Variants in CNTRL observed in about 807,000 individuals in gnomAD.
The protein encoded by CNTRL is 110 kDa centrosomal protein.
Under a neutral mutation model 303.7 loss-of-function variants are expected in CNTRL, and 233 were observed. The ratio of observed to expected loss-of-function variants is 0.77; its 90% CI spans 0.69 to 0.86. The LOEUF (loss-of-function observed/expected upper bound fraction) is 0.86. Ranked by LOEUF, CNTRL falls within the 40% of genes least tolerant of loss-of-function variation. The pLI, the probability that CNTRL is intolerant of heterozygous loss-of-function variation, is 0.00. For missense variants in CNTRL, 2,524 were observed against 2,650.6 expected (o/e 0.95, Z 1.05); for synonymous variants, 900 against 922.2 (o/e 0.98, Z 0.44).
intron 17 of CNTRL, 120 bp downstream of exon 17, chr9:121,140,906 A>G (rs745389930): frequency 6.3e-6 from 6 of 948,478 alleles, no homozygotes; most frequent in Non-Finnish European, 8.9e-6. Context: ...TTCTTTTGTA[A>G]GGTTCTCCTT....
At chr9:121,103,181 G>T (rs1216801281) in intron 7 of CNTRL, among the ~76,000 whole-genome samples, 1 of 152,124 alleles carries the variant, frequency 6.6e-6, no homozygotes, top group Non-Finnish European at 1.5e-5. Flanking sequence ...AAACAGCATG[G>T]TACTGGTACC....
chr9:121,101,140 A>G (rs952422619), intron 7 of CNTRL, among the ~76,000 whole-genome samples: 3 of 152,230 alleles, frequency 2.0e-5, no homozygotes, highest in Non-Finnish European at 4.4e-5. Context: ...AATTGACCAC[A>G]TAGTTGGAAG....
chr9:121,134,370 A>G (rs892580703), intron 14 of CNTRL, among the ~76,000 whole-genome samples: 1 of 151,130 alleles, frequency 6.6e-6, no homozygotes, highest in African/African-American at 2.4e-5. Context: ...CGCTCACTGC[A>G]ACCTCCGCCT....
chr9:121,112,429 A>T (rs745317994), intron 8 of CNTRL, 30 bp from the exon 9 acceptor site: 2 of 1,605,712 alleles, frequency 1.2e-6, no homozygotes, highest in Non-Finnish European at 1.7e-6. Context: ...CTGATCCTGT[A>T]TGTTGTCTCA....
At chr9:121,122,150 G>GT (rs1406837673) in intron 12 of CNTRL, among the ~76,000 whole-genome samples, 1 of 152,140 alleles carries the variant, frequency 6.6e-6, no homozygotes, top group Non-Finnish European at 1.5e-5. Flanking sequence ...GGTTTTGGTG[G>GT]AATTTTTAAT....
At chr9:121,124,611 C>G (rs1441909868) in intron 13 of CNTRL, among the ~76,000 whole-genome samples, 1 of 151,920 alleles carries the variant, frequency 6.6e-6, no homozygotes, top group African/African-American at 2.4e-5. Flanking sequence ...TTGTTTTTAT[C>G]TCAATCATTA....
intron 9 of CNTRL, 87 bp downstream of exon 9, chr9:121,112,665 G>T: frequency 7.7e-7 from 1 of 1,292,302 alleles, no homozygotes; most frequent in Non-Finnish European, 1.1e-6. Context: ...ACATGTAAGG[G>T]ATTTGATCAG....
intron 27 of CNTRL, among the ~76,000 whole-genome samples, chr9:121,155,615 G>A (rs532538443): frequency 2.0e-5 from 3 of 152,268 alleles, no homozygotes; most frequent in South Asian, 2.1e-4. Flanking sequence ...GAGCCACTGC[G>A]CCTGGCCCGA....
At chr9:121,115,502 C>T (rs1021661677) in intron 11 of CNTRL, among the ~76,000 whole-genome samples, 1 of 152,060 alleles carries the variant, frequency 6.6e-6, no homozygotes, top group African/African-American at 2.4e-5. Context: ...GCACTCTCCA[C>T]CTTTAAGATC....
rs369839021 is a variant in CNTRL, at chr9:121,171,470, G to A, written c.6339G>A (p.Gln2113=). The A allele has an allele frequency of 2.5e-6, 4 of 1,613,972 alleles. No homozygotes were observed. The African/African-American group carries it at 5.3e-5, about 22-fold the overall frequency. ...TGGCAACAATTGAACTGGTAGCCCA[G>A]GACAACCATGAGCGGGCCAGGCGCC... The part of the protein sequence containing the change: ...KEMATIELVA[Q]DNHERARRLM... Residue 2113 remains glutamine, a synonymous_variant, in exon 40 of 44, where the codon CAG becomes CAA. Coordinates refer to ENST00000373855, the MANE Select transcript of CNTRL (RefSeq NM_007018.6).
intron 38 of CNTRL, among the ~76,000 whole-genome samples, 173 bp from the exon 39 acceptor site, chr9:121,169,438 G>GT (rs1347260849): frequency 2.6e-5 from 4 of 152,146 alleles, no homozygotes; most frequent in East Asian, 1.9e-4. Flanking sequence ...CCTTATCTGG[G>GT]TTTTTTCTGG....
At chr9:121,165,202 TTC>T in intron 35 of CNTRL, 102 bp downstream of exon 35, 2 of 1,127,310 alleles carry the variant, frequency 1.8e-6, no homozygotes, top group Non-Finnish European at 1.2e-6. Context: ...AGCATGGTGT[TTC>T]TTTCTAAAAT....
chr9:121,118,403 G>T lies in CNTRL; in HGVS notation c.1513G>T (p.Val505Leu). Reference sequence around the variant, plus strand: ...GCAGTTGAGTGGTAGACTACAACTTGTAAATAAATTACGCCAGGAAGCTCT... The same window carrying T: ...GCAGTTGAGTGGTAGACTACAACTTTTAAATAAATTACGCCAGGAAGCTCT... ...YKQLSGRLQL[V>L]NKLRQEALDL... The change falls in exon 12 of 44, where the codon GTA (valine) becomes TTA (leucine). Residue 505 changes from valine to leucine, a missense_variant. Transcript: ENST00000373855. 1 of 1,612,216 alleles carries T rather than the reference G, an allele frequency of 6.2e-7. No homozygotes were observed. The highest frequency in any genetic ancestry group is 8.5e-7 in the Non-Finnish European group (1 of 1,178,972).
At chr9:121,090,552 C>A in intron 4 of CNTRL, 147 bp downstream of exon 4, 1 of 728,662 alleles carries the variant, frequency 1.4e-6, no homozygotes, top group Non-Finnish European at 2.1e-6. Flanking sequence ...AAGTATATGA[C>A]ATTTCCAAAT....
In CNTRL at chr9:121,169,044, A is replaced by G. The variant is rs549037986; in HGVS notation, c.6071-567A>G. On this transcript the variant is annotated intron_variant, in intron 38 of 43. Transcript: ENST00000373855. ...GGGCAGGGTGCTCCTCTAGGGTGATAAGAAAAATATTTTTTAAATGTCACT... is the reference window on the plus strand; with the variant it reads ...GGGCAGGGTGCTCCTCTAGGGTGATGAGAAAAATATTTTTTAAATGTCACT... Among the ~76,000 whole-genome samples the G allele has an allele frequency of 6.6e-5, 10 of 152,346 alleles. No homozygotes were observed. In the Middle Eastern group the frequency reaches 0.017, roughly 259 times the overall value.
At position 121,108,006 on chromosome 9, in the gene CNTRL, A is replaced by G; in HGVS notation, c.1002+11A>G. 8.4e-6 allele frequency: 13 copies of G among 1,544,176 alleles called. No homozygotes were observed. The highest frequency in any genetic ancestry group is 1.1e-5 in the Non-Finnish European group (13 of 1,145,512). ...ACAAAAAATGAATTGGTAAGTTCAT[A>G]TTTTACATTGCTTTGGCTGTATTCT... On this transcript the variant is annotated intron_variant, in intron 8 of 43. Coordinates refer to ENST00000373855, the MANE Select transcript of CNTRL (RefSeq NM_007018.6).
chr9:121,146,787 C>T (rs1006867592), intron 23 of CNTRL, among the ~76,000 whole-genome samples: 2 of 152,182 alleles, frequency 1.3e-5, no homozygotes, highest in African/African-American at 2.4e-5. Flanking sequence ...ATTAAGGATT[C>T]ATCTGATGGG....
In CNTRL at chr9:121,158,051, A is replaced by G; in HGVS notation, c.4706A>G (p.Lys1569Arg). The change falls in exon 30 of 44, where the codon AAA becomes AGA. Residue 1569 changes from lysine (K) to arginine (R), a missense_variant. Physicochemically the swap from Lys to Arg is conservative, Grantham distance 26 (BLOSUM62 2). Transcript: ENST00000373855. The part of the protein sequence containing the change: ...RNEDHHLQVL[K>R]ESEVLLQAKR... ...GAGGATCACCACCTGCAGGTCCTTA[A>G]AGAATCTGAGGTGCTTCTTCAGGCC... is the stretch of plus-strand genomic sequence containing the variant. The G allele has an allele frequency of 6.2e-7, 1 of 1,614,222 alleles. No individual in the cohort carries two copies. The highest frequency in any genetic ancestry group is 8.5e-7 in the Non-Finnish European group (1 of 1,180,028).
At position 121,141,394 on chromosome 9, in the gene CNTRL, T is replaced by C; in HGVS notation, c.2497T>C (p.Ser833Pro). The change falls in exon 18 of 44, where the codon TCA (serine) becomes CCA (proline). Residue 833 changes from serine to proline, a missense_variant. Coordinates refer to ENST00000373855, the MANE Select transcript of CNTRL (RefSeq NM_007018.6). ...CCTCCTTACTAGCATCCATAGTCCT[T>C]CAGATGTCTTAGGGAAAAGTCTTGC... ...GTGEMNIHSP[S>P]DVLGKSLADL... 6.2e-7 allele frequency: 1 copy of C among 1,613,222 alleles called. No individual in the cohort carries two copies. The highest frequency in any genetic ancestry group is 8.5e-7 in the Non-Finnish European group (1 of 1,179,342).
Sources: allele counts gnomAD v4.1 joint callset (sites outside exome capture counted in the v4.1 genomes callset), GRCh38; gene constraint gnomAD v4.1.1; transcripts MANE v1.5; gene names NCBI Gene and HGNC (gene_info 2026-07-23, HGNC 2026-07-21).